The following GLYAT variants were observed in gnomAD, a reference collection of about 807,000 sequenced individuals.
The protein encoded by GLYAT is glycine-N-acyltransferase, also known as glycine N-acyltransferase.
In GLYAT, 25 loss-of-function variants were observed where a neutral mutation model predicts 22.8. The observed-to-expected ratio is 1.09, with a 90% CI of 0.80 to 1.53. The LOEUF is 1.53. Among genes scored for constraint, GLYAT ranks in the 40% most tolerant of loss-of-function variants. The pLI, the probability that GLYAT is intolerant of heterozygous loss-of-function variation, is 0.00. For missense variants in GLYAT, 411 were observed against 353.9 expected (o/e 1.16, Z -1.29); for synonymous variants, 140 against 122.7 (o/e 1.14, Z -0.93).
Position 58,710,711 on chromosome 11 carries a change from A to C in GLYAT, c.367T>G (p.Ser123Ala). 6.2e-7 allele frequency: 1 copy of C among 1,613,520 alleles called. No homozygotes were observed. Among genetic ancestry groups the C allele is most frequent in the Non-Finnish European group, 8.5e-7 (1 of 1,179,484 alleles). Residue 123 changes from serine to alanine, a missense_variant, in exon 5 of 6, where the codon TCC (serine) becomes GCC (alanine). By Grantham distance (99) the Ser-to-Ala change is moderately conservative. Coordinates refer to ENST00000344743, the MANE Select transcript of GLYAT (RefSeq NM_201648.3). ...EAIQNLAAIK[S>A]FKVKQTQRIL... is the part of the protein sequence containing the mutation. ...CGTTGTGTTTGTTTGACTTTGAAGGACTTAATGGCTGCAAGATTTTGTATA... is the reference window on the plus strand; with the variant it reads ...CGTTGTGTTTGTTTGACTTTGAAGGCCTTAATGGCTGCAAGATTTTGTATA...
At chr11:58,725,398 T>C (rs1353750513) in intron 1 of GLYAT, among the ~76,000 whole-genome samples, 1 of 152,184 alleles carries the variant, frequency 6.6e-6, no homozygotes, top group African/African-American at 2.4e-5. Flanking sequence ...TGTGTTCTAT[T>C]TTGGAACTGT....
At chr11:58,728,889 A>AGAAAGAAAGAAAGAAAGAAAGAAGGAAG (rs1310407303) in intron 1 of GLYAT, among the ~76,000 whole-genome samples, 1 of 101,308 alleles carries the variant, frequency 9.9e-6, no homozygotes, top group Non-Finnish European at 2.0e-5. Context: ...AAAGAAAGAA[A>AGAAAGAAAGAAAGAAAGAAAGAAGGAAG]GAAGGAAGGA....
chr11:58,709,436 G>T lies in GLYAT; in HGVS notation c.*330C>A, dbSNP rs1856580938. ...CTCTTCCTAGCTCCCAGAAAAACTG[G>T]CAAGGGTCTTGCAACTGAGGAACCA... On this transcript the variant is annotated 3_prime_UTR_variant, in exon 6 of 6. Transcript: ENST00000344743. 5.0e-6 allele frequency: 1 copy of T among 199,142 alleles called. No homozygotes were observed. The highest frequency in any genetic ancestry group is 2.3e-5 in the African/African-American group (1 of 43,180). 12.3% of individuals were successfully genotyped at this position (199,142 alleles called of 1,614,324 possible).
At chr11:58,720,070 A>G (rs1394730849) in intron 2 of GLYAT, among the ~76,000 whole-genome samples, 1 of 151,930 alleles carries the variant, frequency 6.6e-6, no homozygotes, top group Non-Finnish European at 1.5e-5. Context: ...ACCTAAAAAA[A>G]CCTTTGTTAA....
intron 4 of GLYAT, among the ~76,000 whole-genome samples, chr11:58,711,973 A>C (rs903684560): frequency 1.1e-4 from 16 of 152,170 alleles, no homozygotes; most frequent in African/African-American, 3.9e-4. Flanking sequence ...CTGTCACCAC[A>C]GTCACCAGCT....
intron 3 of GLYAT, among the ~76,000 whole-genome samples, 192 bp from the exon 4 acceptor site, chr11:58,713,078 T>G (rs1856636834): frequency 6.6e-6 from 1 of 152,158 alleles, no homozygotes. Context: ...GAATGTTTAA[T>G]GATCAAGTCA....
chr11:58,711,565 G>T (rs1053189156), intron 4 of GLYAT, among the ~76,000 whole-genome samples: 2 of 152,178 alleles, frequency 1.3e-5, no homozygotes, highest in African/African-American at 4.8e-5. Flanking sequence ...TTATGATTGT[G>T]TTATTAACAG....
chr11:58,710,522 G>T (rs1282415922), intron 5 of GLYAT, 68 bp downstream of exon 5: 5 of 1,151,248 alleles, frequency 4.3e-6, no homozygotes, highest in African/African-American at 1.5e-5. Flanking sequence ...CAGAGTGAAT[G>T]CAGGGAGAGA....
intron 5 of GLYAT, 41 bp from the exon 6 acceptor site, chr11:58,710,209 A>C: frequency 6.4e-7 from 1 of 1,565,506 alleles, no homozygotes. Flanking sequence ...CATTAGTATA[A>C]AGGTTTGTAT....
Position 58,709,068 on chromosome 11 carries a change from A to G in GLYAT, c.*698T>C, listed in dbSNP as rs1374544013. 1 of 152,222 alleles carries G rather than the reference A, an allele frequency of 6.6e-6. No homozygotes were observed. Among genetic ancestry groups the G allele is most frequent in the Non-Finnish European group, 1.5e-5 (1 of 68,036 alleles). The allele number at this position is 152,222 out of a possible 1,614,324, so 9.4% of individuals were successfully genotyped here. A position where few individuals can be genotyped will look rare whatever the true frequency, so the allele number is the denominator to read the frequency against. ...CTTGAACAAACACAATAAAAATTGT[A>G]TACAGTCAAACACAAAACTTTCTGT... is the stretch of plus-strand genomic sequence containing the variant. On this transcript the variant is annotated 3_prime_UTR_variant, in exon 6 of 6. Coordinates refer to ENST00000344743, the MANE Select transcript of GLYAT (RefSeq NM_201648.3).
intron 1 of GLYAT, among the ~76,000 whole-genome samples, chr11:58,730,437 A>G (rs1053648114): frequency 2.0e-5 from 3 of 152,208 alleles, no homozygotes; most frequent in Admixed American, 1.3e-4. Context: ...TTGTGTAAGC[A>G]GAAAAAAAGA....
chr11:58,719,784 C>T (rs887713158), intron 2 of GLYAT, among the ~76,000 whole-genome samples: 4 of 151,966 alleles, frequency 2.6e-5, no homozygotes, highest in Non-Finnish European at 5.9e-5. Context: ...AAAGCATATA[C>T]AGGAAGATAC....
chr11:58,728,878 GAAAGAAAGAAAGAA>G (rs1856839048), intron 1 of GLYAT: 1 of 115,284 alleles, frequency 8.7e-6, no homozygotes, highest in Non-Finnish European at 1.8e-5. Context: ...AAGAAAGAAA[GAAAGAAAGAAAGAA>G]GGAAGGAAGG....
chr11:58,719,411 T>C (rs959732059), intron 2 of GLYAT, among the ~76,000 whole-genome samples: 2 of 151,988 alleles, frequency 1.3e-5, no homozygotes, highest in Admixed American at 6.6e-5. Context: ...ATTAAAGAGT[T>C]GGTTAATGCT....
intron 4 of GLYAT, 26 bp downstream of exon 4, chr11:58,712,734 G>A (rs755812519): frequency 4.4e-6 from 7 of 1,607,150 alleles, no homozygotes; most frequent in African/African-American, 4.0e-5. Context: ...AAGTGAGTCA[G>A]CACACATCCC....
At chr11:58,719,794 C>A (rs996633727) in intron 2 of GLYAT, among the ~76,000 whole-genome samples, 8 of 151,964 alleles carry the variant, frequency 5.3e-5, no homozygotes, top group Admixed American at 5.3e-4. Flanking sequence ...CAGGAAGATA[C>A]ATGGATGTAA....
At chr11:58,721,582 CA>C (rs1856750739) in intron 2 of GLYAT, among the ~76,000 whole-genome samples, 1 of 151,976 alleles carries the variant, frequency 6.6e-6, no homozygotes, top group African/African-American at 2.4e-5. Flanking sequence ...CACACATGAA[CA>C]CATACACACA....
chr11:58,724,415 C>A lies in GLYAT; in HGVS notation c.81+1G>T, dbSNP rs1275470019. On this transcript the variant is annotated splice_donor_variant, in intron 2 of 5. Coordinates refer to ENST00000344743, the MANE Select transcript of GLYAT (RefSeq NM_201648.3). LOFTEE classifies it high-confidence loss of function. ...CTCCTCTCAGAATTTTCCATTATCACCTTTAAGGATGCTGGGAGGCTCTTC... is the reference window on the plus strand; with the variant it reads ...CTCCTCTCAGAATTTTCCATTATCAACTTTAAGGATGCTGGGAGGCTCTTC... The A allele has an allele frequency of 1.9e-6, 3 of 1,570,008 alleles. No individual in the cohort carries two copies. Among genetic ancestry groups the A allele is most frequent in the Non-Finnish European group, 2.6e-6 (3 of 1,142,172 alleles).
At chr11:58,724,356 T>TC in intron 2 of GLYAT, 60 bp downstream of exon 2, 1 of 882,784 alleles carries the variant, frequency 1.1e-6, no homozygotes, top group Non-Finnish European at 1.8e-6. Context: ...TCAGTCCCTT[T>TC]CCCTCCTCTT....
Sources: gnomAD v4.1 joint callset for allele counts (sites outside exome capture counted in the v4.1 genomes callset) on GRCh38, gnomAD v4.1.1 for gene constraint, MANE v1.5 for transcripts, NCBI Gene and HGNC (gene_info 2026-07-23, HGNC 2026-07-21) for gene names.